Variants in PGM2 observed in about 807,000 individuals in gnomAD.
The protein encoded by PGM2 is phosphopentomutase.
A neutral mutation model predicts 74.6 loss-of-function variants in PGM2; 57 were observed. The observed-to-expected ratio is 0.76, with a 90% CI of 0.62 to 0.95. The LOEUF is 0.95. PGM2 is among the 40% of genes least tolerant of loss of function. The probability of loss-of-function intolerance (pLI) is 0.00; values close to 1 mark genes in which losing one functional copy is unlikely to be tolerated. For missense variants in PGM2, 706 were observed against 741.9 expected, an observed-to-expected ratio of 0.95 and a Z score of 0.56; for synonymous variants, 273 against 260.7, an observed-to-expected ratio of 1.05 and a Z score of -0.46.
intron 6 of PGM2, 142 bp from the exon 7 acceptor site, chr4:37,844,222 T>A (rs1725803798): frequency 1.8e-6 from 1 of 569,370 alleles, no homozygotes; most frequent in African/African-American, 1.9e-5. Flanking sequence ...AATATATATA[T>A]CTGGGAGAGA....
At position 37,848,567 on chromosome 4, in the gene PGM2, C is replaced by T. The variant is rs150421347; in HGVS notation, c.1328C>T (p.Ala443Val). Residue 443 changes from alanine (A) to valine (V), a missense_variant, in exon 11 of 14, where the codon GCC (alanine) becomes GTC (valine). Around this residue, in one of 3 missense-constraint regions of PGM2, gnomAD observed 359 missense variants for 371.1 expected, o/e 0.97. Coordinates refer to ENST00000381967, the MANE Select transcript of PGM2 (RefSeq NM_018290.4). ...PFVLDKDGVSAAVISAELASF... is the reference protein window; with the variant it reads ...PFVLDKDGVSVAVISAELASF... ...GTTCTGGACAAAGATGGAGTCAGTG[C>T]CGCTGTCATAAGTGCAGAGTTGGCT... is the stretch of plus-strand genomic sequence containing the variant. The T allele has an allele frequency of 9.4e-5, 151 of 1,613,318 alleles. No individual in the cohort carries two copies. The African/African-American group carries it at 1.9e-3, about 20-fold the overall frequency.
intron 13 of PGM2, among the ~76,000 whole-genome samples, chr4:37,860,421 T>G (rs911005578): frequency 6.6e-6 from 1 of 152,212 alleles, no homozygotes; most frequent in African/African-American, 2.4e-5. Context: ...GTACAGAAAC[T>G]CTCTTGAGAA....
Position 37,837,106 on chromosome 4 carries a change from T to C in PGM2, c.357-423T>C, listed in dbSNP as rs76863261. On this transcript the variant is annotated intron_variant, in intron 3 of 13. Coordinates refer to ENST00000381967, the MANE Select transcript of PGM2 (RefSeq NM_018290.4). The stretch of plus-strand genomic sequence containing the variant: ...GCACCCCTGACCTCTCCCTACTAGC[T>C]GCCAGTAGCAACTCTCTCCATTTCC... 7.5e-3 allele frequency among the ~76,000 whole-genome samples: 1,144 copies of C among 152,284 alleles called. 14 individuals carry two copies. Among genetic ancestry groups the C allele is most frequent in the African/African-American group, 0.026 (1,078 of 41,550 alleles).
At chr4:37,858,800 A>G (rs562752297) in intron 13 of PGM2, among the ~76,000 whole-genome samples, 3 of 152,306 alleles carry the variant, frequency 2.0e-5, no homozygotes, top group African/African-American at 7.2e-5. Flanking sequence ...GTGCTGCTTT[A>G]AAAATATATT....
At position 37,844,475 on chromosome 4, in the gene PGM2, TGTTCCTGAACAGAAAGATCCG is replaced by T. The variant is rs750373856; in HGVS notation, c.833_853del (p.Val278_Pro284del). 1 of 1,613,796 alleles carries T rather than the reference TGTTCCTGAACAGAAAGATCCG, an allele frequency of 6.2e-7. No individual in the cohort carries two copies. Among genetic ancestry groups the T allele is most frequent in the South Asian group, 1.1e-5 (1 of 91,078 alleles). ...CTTTTGACCTTGTTCCTCCTGAGGC[TGTTCCTGAACAGAAAGATCCG>T]GATCCTGAGTTTCCAACAGTGAAAT... On this transcript the variant is annotated inframe_deletion, in exon 7 of 14. Coordinates refer to ENST00000381967, the MANE Select transcript of PGM2 (RefSeq NM_018290.4).
At chr4:37,851,946 C>G (rs1726050026) in intron 12 of PGM2, among the ~76,000 whole-genome samples, 1 of 123,500 alleles carries the variant, frequency 8.1e-6, no homozygotes, top group Non-Finnish European at 1.9e-5. Context: ...ATTGTATTTC[C>G]TGTACCTTTT....
At chr4:37,843,129 C>T (rs376169345) in intron 6 of PGM2, among the ~76,000 whole-genome samples, 1 of 152,164 alleles carries the variant, frequency 6.6e-6, no homozygotes, top group South Asian at 2.1e-4. Context: ...GACTCCAGAG[C>T]GTGTTAACCA....
At position 37,826,819 on chromosome 4, in the gene PGM2, G is replaced by A; in HGVS notation, c.81+6G>A. On this transcript the variant is annotated splice_donor_region_variant and intron_variant, in intron 1 of 13. Transcript: ENST00000381967. ...AGTGGCTGCGCTGGGACAAGGTGAG[G>A]GGCACCAGCAGGCGGGGAGCGCCTG... 6.5e-7 allele frequency: 1 copy of A among 1,537,908 alleles called. No individual in the cohort carries two copies. The highest frequency in any genetic ancestry group is 8.8e-7 in the Non-Finnish European group (1 of 1,136,598).
chr4:37,837,201 GCTGAGAACCA>G (rs1373615802), intron 3 of PGM2, among the ~76,000 whole-genome samples: 10 of 152,184 alleles, frequency 6.6e-5, no homozygotes, highest in Non-Finnish European at 1.0e-4. Context: ...ACTTGCCCTG[GCTGAGAACCA>G]CTGAGATAGA....
intron 2 of PGM2, among the ~76,000 whole-genome samples, chr4:37,832,037 A>C (rs895074316): frequency 6.6e-6 from 1 of 152,194 alleles, no homozygotes; most frequent in African/African-American, 2.4e-5. Flanking sequence ...ATTAAGGACT[A>C]TCTTACCCAT....
chr4:37,859,147 T>C (rs1462491728), intron 13 of PGM2, among the ~76,000 whole-genome samples: 3 of 152,192 alleles, frequency 2.0e-5, no homozygotes, highest in Non-Finnish European at 2.9e-5. Flanking sequence ...TCTCTCACCA[T>C]ATATGTTATG....
Position 37,848,564 on chromosome 4 carries a change from G to A in PGM2, c.1325G>A (p.Ser442Asn), listed in dbSNP as rs1316419321. ...TTTGTTCTGGACAAAGATGGAGTCA[G>A]TGCCGCTGTCATAAGTGCAGAGTTG... ...CPFVLDKDGV[S>N]AAVISAELAS... The change falls in exon 11 of 14, where the codon AGT (serine) becomes AAT (asparagine). Residue 442 changes from serine (S) to asparagine (N), a missense_variant. Ser to Asn is a conservative substitution (Grantham distance 46). Transcript: ENST00000381967. 2 of 1,613,576 alleles carry A rather than the reference G, an allele frequency of 1.2e-6. No homozygotes were observed. Among genetic ancestry groups the A allele is most frequent in the Non-Finnish European group, 1.7e-6 (2 of 1,179,582 alleles).
chr4:37,836,535 A>G (rs1233851303), intron 3 of PGM2, among the ~76,000 whole-genome samples: 2 of 152,166 alleles, frequency 1.3e-5, no homozygotes, highest in African/African-American at 2.4e-5. Context: ...TTTTGTGCAC[A>G]TTTGTAACAG....
chr4:37,833,042 C>T (rs1004768396), intron 2 of PGM2, among the ~76,000 whole-genome samples: 8 of 151,988 alleles, frequency 5.3e-5, no homozygotes, highest in African/African-American at 1.9e-4. Context: ...AAGGGTTGAG[C>T]AGGAAGAGGG....
intron 8 of PGM2, among the ~76,000 whole-genome samples, chr4:37,846,365 A>G (rs1321359588): frequency 6.6e-6 from 1 of 152,164 alleles, no homozygotes; most frequent in East Asian, 1.9e-4. Context: ...GTTCCATTCT[A>G]TATCAGTGTT....
chr4:37,840,038 C>T, intron 5 of PGM2, 28 bp from the exon 6 acceptor site: 1 of 1,590,948 alleles, frequency 6.3e-7, no homozygotes, highest in South Asian at 1.1e-5. Flanking sequence ...AACTGTAAAC[C>T]TTCTGAATGT....
chr4:37,840,960 GTGTGTA>G (rs1371666134), intron 6 of PGM2, among the ~76,000 whole-genome samples: 19 of 139,306 alleles, frequency 1.4e-4, no homozygotes, highest in African/African-American at 4.4e-4. Flanking sequence ...GTGTGTGTGT[GTGTGTA>G]TATATATATA....
Position 37,840,185 on chromosome 4 carries a change from T to G in PGM2, c.645T>G (p.Ser215Arg). The G allele has an allele frequency of 6.2e-7, 1 of 1,612,772 alleles. No individual in the cohort carries two copies. Among genetic ancestry groups the G allele is most frequent in the Non-Finnish European group, 8.5e-7 (1 of 1,178,746 alleles). Reference protein sequence around the residue: ...QAWDDSLIDSSPLLHNPSASI... With the variant: ...QAWDDSLIDSRPLLHNPSASI... ...GGGACGATTCTTTAATTGATAGCAGTCCACTTCTCCACAATCCGAGTGCTT... is the reference window on the plus strand; with the variant it reads ...GGGACGATTCTTTAATTGATAGCAGGCCACTTCTCCACAATCCGAGTGCTT... Residue 215 changes from serine to arginine, a missense_variant, in exon 6 of 14, where the codon AGT becomes AGG. By Grantham distance (110) the Ser-to-Arg change is moderately radical. Transcript: ENST00000381967.
Position 37,855,648 on chromosome 4 carries a change from C to A in PGM2, c.1643C>A (p.Thr548Asn), listed in dbSNP as rs748127256. The change falls in exon 13 of 14, where the codon ACC becomes AAC. Residue 548 changes from threonine (T) to asparagine (N), a missense_variant. Physicochemically the swap from Thr to Asn is moderately conservative, Grantham distance 65 (BLOSUM62 0). This residue lies in a region of PGM2 where 359 missense variants were observed against 371.1 expected (regional missense o/e 0.97). Transcript: ENST00000381967. ...TSKSSQMITF[T>N]FANGGVATMR... ...AAAAGCAGCCAAATGATCACCTTCA[C>A]CTTTGCTAATGGAGGCGTGGCCACC... is the stretch of plus-strand genomic sequence containing the variant. The A allele has an allele frequency of 6.2e-7, 1 of 1,614,068 alleles. No individual in the cohort carries two copies.
Sources: allele counts gnomAD v4.1 joint callset (sites outside exome capture counted in the v4.1 genomes callset), GRCh38; gene constraint gnomAD v4.1.1; regional missense constraint gnomAD v4.1.1; transcripts MANE v1.5; gene names NCBI Gene and HGNC (gene_info 2026-07-23, HGNC 2026-07-21).